RBBP6: variants seen among roughly 807,000 people sequenced by gnomAD.
RBBP6 encodes E3 ubiquitin-protein ligase RBBP6.
Under a neutral mutation model 167.7 loss-of-function variants are expected in RBBP6, and 25 were observed. The observed-to-expected ratio is 0.15, with a 90% CI of 0.11 to 0.21. RBBP6 has a LOEUF of 0.21. Among genes scored for constraint, RBBP6 ranks in the 10% least tolerant of loss-of-function variants. RBBP6 has a pLI of 1.00. For synonymous variants in RBBP6, 789 were observed against 735.8 expected (o/e 1.07, Z -1.17); for missense variants, 1,868 against 2,134.2 (o/e 0.88, Z 2.46).
chr16:24,562,191 A>G, intron 10 of RBBP6, 30 bp downstream of exon 10: 2 of 1,539,314 alleles, frequency 1.3e-6, no homozygotes, highest in Non-Finnish European at 1.8e-6. Context: ...ACTGTTAGAA[A>G]CCAAATGAGG....
In RBBP6 at chr16:24,569,010, C is replaced by G. The variant is rs765349413; in HGVS notation, c.2320C>G (p.Gln774Glu). The change falls in exon 17 of 18, where the codon CAA becomes GAA. Residue 774 changes from glutamine to glutamate, a missense_variant. Physicochemically the swap from Gln to Glu is conservative, Grantham distance 29 (BLOSUM62 2). This residue lies in a region of RBBP6 where 673 missense variants were observed against 691.5 expected (regional missense o/e 0.97). Coordinates refer to ENST00000319715, the MANE Select transcript of RBBP6 (RefSeq NM_006910.5). Reference sequence around the variant, plus strand: ...CTATCATTCACGATCAAGATCTCCTCAAGCGTTTAGGGGACAGTCTCCTAA... The same window carrying G: ...CTATCATTCACGATCAAGATCTCCTGAAGCGTTTAGGGGACAGTCTCCTAA... ...RRYHSRSRSP[Q>E]AFRGQSPNKR... 1.2e-6 allele frequency: 2 copies of G among 1,614,144 alleles called. No homozygotes were observed. The highest frequency in any genetic ancestry group is 1.7e-6 in the Non-Finnish European group (2 of 1,179,996).
rs1211421275 is a variant in RBBP6, at chr16:24,564,814, A to C, written c.1538A>C (p.Tyr513Ser). 1 of 1,612,750 alleles carries C rather than the reference A, an allele frequency of 6.2e-7. No homozygotes were observed. The change falls in exon 14 of 18, where the codon TAT (tyrosine) becomes TCT (serine). Residue 513 changes from tyrosine (Y) to serine (S), a missense_variant. Transcript: ENST00000319715. ...CCACACAGTTCCAACAAACTTGGCTATCTGGTTTCTCCACCACAACAAATT... is the reference window on the plus strand; with the variant it reads ...CCACACAGTTCCAACAAACTTGGCTCTCTGGTTTCTCCACCACAACAAATT... ...PGWEHSNKLG[Y>S]LVSPPQQIRR... is the part of the protein sequence containing the mutation.
At position 24,540,494 on chromosome 16, in the gene RBBP6, A is replaced by T; in HGVS notation, c.-133A>T. 1 of 839,654 alleles carries T rather than the reference A, an allele frequency of 1.2e-6. No individual in the cohort carries two copies. The highest frequency in any genetic ancestry group is 1.8e-6 in the Non-Finnish European group (1 of 561,252). 52.0% of individuals were successfully genotyped at this position (839,654 alleles called of 1,614,324 possible). A position where few individuals can be genotyped will look rare whatever the true frequency, so the allele number is the denominator to read the frequency against. On this transcript the variant is annotated 5_prime_UTR_variant, in exon 1 of 18. Coordinates refer to ENST00000319715, the MANE Select transcript of RBBP6 (RefSeq NM_006910.5). ...CCCTGCTTGTGGTTGGGGGGTATTTAATCTGAGGCCTTAGGGTCCTTCGGT... is the reference window on the plus strand; with the variant it reads ...CCCTGCTTGTGGTTGGGGGGTATTTTATCTGAGGCCTTAGGGTCCTTCGGT...
intron 8 of RBBP6, among the ~76,000 whole-genome samples, chr16:24,561,297 C>T (rs1012310666): frequency 9.9e-5 from 15 of 152,078 alleles, no homozygotes; most frequent in Admixed American, 9.8e-4. Flanking sequence ...GCTATTTTGC[C>T]CCAGGCTAGC....
At position 24,567,856 on chromosome 16, in the gene RBBP6, A is replaced by G. The variant is rs1368461009; in HGVS notation, c.2017A>G (p.Lys673Glu). Residue 673 changes from lysine (K) to glutamate (E), a missense_variant, in exon 16 of 18, where the codon AAA becomes GAA. Transcript: ENST00000319715. ...TTTTGCTAAGGAATTGATGGAATAC[A>G]AAAAGATTCAAAAGGAGCGTAGGCG... ...NDFAKELMEY[K>E]KIQKERRRSF... 1 of 1,613,680 alleles carries G rather than the reference A, an allele frequency of 6.2e-7. No homozygotes were observed.
At chr16:24,556,634 G>A (rs187928597) in intron 7 of RBBP6, among the ~76,000 whole-genome samples, 187 bp downstream of exon 7, 7 of 152,278 alleles carry the variant, frequency 4.6e-5, no homozygotes, top group Admixed American at 3.3e-4. Flanking sequence ...ATTTAAAATG[G>A]ATTTGGGGAT....
At chr16:24,560,858 C>A (rs1444979184) in intron 8 of RBBP6, among the ~76,000 whole-genome samples, 1 of 152,166 alleles carries the variant, frequency 6.6e-6, no homozygotes, top group Non-Finnish European at 1.5e-5. Flanking sequence ...TGAGCATCTA[C>A]AGACGTTATC....
Position 24,569,296 on chromosome 16 carries a change from ACAT to A in RBBP6, c.2609_2611del (p.Ile870del), listed in dbSNP as rs762664943. On this transcript the variant is annotated inframe_deletion, in exon 17 of 18. Coordinates refer to ENST00000319715, the MANE Select transcript of RBBP6 (RefSeq NM_006910.5). Reference sequence around the variant, plus strand: ...TCTCCAGAGAGATTTTTGCCACTTAACATCAGGAATTCTCCCTTCACAAGAGGC... The same window carrying A: ...TCTCCAGAGAGATTTTTGCCACTTAACAGGAATTCTCCCTTCACAAGAGGC... 1.9e-6 allele frequency: 3 copies of A among 1,612,264 alleles called. No homozygotes were observed. The highest frequency in any genetic ancestry group is 2.5e-6 in the Non-Finnish European group (3 of 1,179,596).
chr16:24,561,498 A>C, intron 8 of RBBP6, 114 bp from the exon 9 acceptor site: 1 of 858,022 alleles, frequency 1.2e-6, no homozygotes, highest in Non-Finnish European at 1.8e-6. Context: ...TTAGCACGAC[A>C]TGCTTGGAAA....
intron 3 of RBBP6, among the ~76,000 whole-genome samples, chr16:24,551,866 T>C (rs118181271): frequency 0.01 from 1,567 of 151,932 alleles, 14 homozygotes; most frequent in Non-Finnish European, 0.016. Flanking sequence ...TAGTCCTTGT[T>C]ACTTAAAATC....
chr16:24,552,219 C>T (rs1163481072), intron 3 of RBBP6, among the ~76,000 whole-genome samples: 1 of 151,742 alleles, frequency 6.6e-6, no homozygotes, highest in Admixed American at 6.6e-5. Flanking sequence ...TATATTTAGC[C>T]AACATTATTT....
At chr16:24,563,993 G>A (rs1001749954) in intron 13 of RBBP6, among the ~76,000 whole-genome samples, 1 of 151,960 alleles carries the variant, frequency 6.6e-6, no homozygotes, top group African/African-American at 2.4e-5. Flanking sequence ...TTTTAAATAT[G>A]GTGGCAGTTA....
chr16:24,553,607 T>A (rs1373725961), intron 4 of RBBP6, 50 bp downstream of exon 4: 1 of 1,424,556 alleles, frequency 7.0e-7, no homozygotes, highest in East Asian at 2.4e-5. Context: ...TCTAACATCA[T>A]ATTTTTTTAT....
Position 24,570,404 on chromosome 16 carries a change from A to T in RBBP6, c.3714A>T (p.Thr1238=). Residue 1238 remains threonine (T), a synonymous_variant, in exon 17 of 18, where the codon ACA becomes ACT. Transcript: ENST00000319715. ...AACCCTCTGAAAAATTGGAGTCAAC[A>T]TCTAGCAAAGTTAAACAAGAAAAAG... ...TKEPSEKLES[T]SSKVKQEKVK... 6.2e-7 allele frequency: 1 copy of T among 1,611,914 alleles called. No homozygotes were observed.
intron 2 of RBBP6, 98 bp downstream of exon 2, chr16:24,546,360 T>A: frequency 7.7e-7 from 1 of 1,295,842 alleles, no homozygotes. Context: ...CTCATTACTT[T>A]AACCTTAATG....
chr16:24,562,993 G>A (rs540021785), intron 10 of RBBP6, among the ~76,000 whole-genome samples: 2 of 147,230 alleles, frequency 1.4e-5, no homozygotes, highest in Admixed American at 6.8e-5. Flanking sequence ...ATCTTCTTAA[G>A]GAGGTCCTTC....
intron 13 of RBBP6, among the ~76,000 whole-genome samples, chr16:24,563,893 TAA>T (rs765833845): frequency 1.8e-4 from 28 of 152,196 alleles, no homozygotes; most frequent in East Asian, 7.7e-4. Flanking sequence ...TACAAAATTT[TAA>T]AAGTTTTTTT....
chr16:24,569,225 T>C lies in RBBP6; in HGVS notation c.2535T>C (p.Tyr845=). ...GGTATGAAAAATATTATAAAGGTTA[T>C]GCTGCTGGAGCACAGCCTAGACCCT... ...REWYEKYYKG[Y]AAGAQPRPSA... is the part of the protein sequence containing the mutation. The change falls in exon 17 of 18, where the codon TAT becomes TAC. Residue 845 remains tyrosine, a synonymous_variant. Transcript: ENST00000319715. 6.2e-7 allele frequency: 1 copy of C among 1,613,854 alleles called. No homozygotes were observed. The highest frequency in any genetic ancestry group is 1.1e-5 in the South Asian group (1 of 91,064).
chr16:24,540,904 A>G, intron 1 of RBBP6, 112 bp downstream of exon 1: 30 of 1,298,364 alleles, frequency 2.3e-5, no homozygotes, highest in Non-Finnish European at 3.1e-5. Context: ...TGTTCGTTCT[A>G]GTACTTTGGA....
Sources: gnomAD v4.1 joint callset for allele counts (sites outside exome capture counted in the v4.1 genomes callset) on GRCh38, gnomAD v4.1.1 for gene constraint, gnomAD v4.1.1 regional missense constraint, MANE v1.5 for transcripts, NCBI Gene and HGNC (gene_info 2026-07-23, HGNC 2026-07-21) for gene names.